Variants in MACROD2 observed in about 807,000 individuals in gnomAD.
MACROD2 encodes the protein mono-ADP ribosylhydrolase 2, also known as ADP-ribose glycohydrolase MACROD2.
Under a neutral mutation model 70.4 loss-of-function variants are expected in MACROD2, and 36 were observed. The observed-to-expected ratio is 0.51, with a 90% confidence interval of 0.39 to 0.68. The LOEUF (loss-of-function observed/expected upper bound fraction) is 0.68. Among genes scored for constraint, MACROD2 ranks in the 30% least tolerant of loss-of-function variants. MACROD2 has a pLI of 0.00. For missense variants in MACROD2, 496 were observed against 538.4 expected (o/e 0.92, Z 0.78); for synonymous variants, 172 against 178.8 (o/e 0.96, Z 0.30).
At chr20:14,498,785 C>T (rs1037442782) in intron 4 of MACROD2, among the ~76,000 whole-genome samples, 12 of 152,274 alleles carry the variant, frequency 7.9e-5, no homozygotes, top group African/African-American at 2.9e-4. Flanking sequence ...TAAATTTTGT[C>T]TTAAGCATTC....
At chr20:15,311,129 A>G (rs2077747725) in intron 6 of MACROD2, among the ~76,000 whole-genome samples, 1 of 152,192 alleles carries the variant, frequency 6.6e-6, no homozygotes, top group Admixed American at 6.5e-5. Context: ...AATAAAATCT[A>G]TATTTTAAAT....
chr20:14,955,211 A>G (rs1465422529), intron 5 of MACROD2, among the ~76,000 whole-genome samples: 11 of 132,436 alleles, frequency 8.3e-5, no homozygotes, highest in Admixed American at 1.7e-4. Flanking sequence ...CATTTACATA[A>G]TATAATTTAT....
At chr20:15,562,388 C>T (rs1183147649) in intron 8 of MACROD2, among the ~76,000 whole-genome samples, 1 of 152,158 alleles carries the variant, frequency 6.6e-6, no homozygotes, top group Non-Finnish European at 1.5e-5. Flanking sequence ...TTTTCCACCA[C>T]ATTTCTTGCC....
At chr20:14,166,329 A>ATGTG (rs146972968) in intron 3 of MACROD2, among the ~76,000 whole-genome samples, 3 of 150,350 alleles carry the variant, frequency 2.0e-5, no homozygotes, top group Non-Finnish European at 4.5e-5. Flanking sequence ...CCGTGTGTGT[A>ATGTG]TGTGTGTGTG....
At chr20:14,041,014 A>T (rs1385906818) in intron 2 of MACROD2, among the ~76,000 whole-genome samples, 2 of 152,196 alleles carry the variant, frequency 1.3e-5, no homozygotes, top group African/African-American at 4.8e-5. Context: ...GAAGAAGAAA[A>T]ATAGTTGGTA....
At chr20:15,128,766 A>G (rs551558375) in intron 5 of MACROD2, among the ~76,000 whole-genome samples, 42 of 151,986 alleles carry the variant, frequency 2.8e-4, no homozygotes, top group Admixed American at 5.3e-4. Context: ...ATTCACCCAC[A>G]CACTCTTTTT....
At chr20:14,466,947 CG>C (rs1240265423) in intron 3 of MACROD2, among the ~76,000 whole-genome samples, 1 of 152,078 alleles carries the variant, frequency 6.6e-6, no homozygotes, top group Non-Finnish European at 1.5e-5. Context: ...CGCCCCTACT[CG>C]GGGGTGCCTC....
chr20:14,610,517 T>G (rs1983090726), intron 4 of MACROD2, among the ~76,000 whole-genome samples: 1 of 152,144 alleles, frequency 6.6e-6, no homozygotes, highest in African/African-American at 2.4e-5. Flanking sequence ...GCAATAATGT[T>G]GGGATAAATT....
At chr20:14,664,774 A>T (rs1383550244) in intron 4 of MACROD2, among the ~76,000 whole-genome samples, 6 of 152,138 alleles carry the variant, frequency 3.9e-5, no homozygotes, top group Non-Finnish European at 7.4e-5. Context: ...ACTAATCTTC[A>T]AAACCATCCT....
At chr20:14,034,467 A>G (rs2053284166) in intron 2 of MACROD2, among the ~76,000 whole-genome samples, 1 of 152,244 alleles carries the variant, frequency 6.6e-6, no homozygotes, top group Non-Finnish European at 1.5e-5. Flanking sequence ...ATTTCCAGCC[A>G]TGGAATTGCT....
chr20:15,600,542 T>C (rs7264694), intron 8 of MACROD2, among the ~76,000 whole-genome samples: 25,367 of 152,198 alleles, frequency 0.17, 2,200 homozygotes, highest in South Asian at 0.21. Context: ...AAGTGGCAAG[T>C]GACTTTCCAG....
At chr20:15,795,003 A>G (rs922772457) in intron 8 of MACROD2, among the ~76,000 whole-genome samples, 2 of 151,854 alleles carry the variant, frequency 1.3e-5, no homozygotes, top group African/African-American at 4.8e-5. Context: ...ATTTAATTTA[A>G]CAAGCATTTG....
At chr20:14,918,885 C>T (rs1049356153) in intron 5 of MACROD2, among the ~76,000 whole-genome samples, 1 of 152,038 alleles carries the variant, frequency 6.6e-6, no homozygotes, top group African/African-American at 2.4e-5. Context: ...GTATGTATGT[C>T]TTCATTTAAA....
In MACROD2 at chr20:15,308,157, T is replaced by C. The variant is rs186844960; in HGVS notation, c.540+78096T>C. On this transcript the variant is annotated intron_variant, in intron 6 of 17. Transcript: ENST00000684519. ...TAAAGCTATTATTATCTTTTTGTAA[T>C]TAATTTATATCTTTGCAGACATACT... is the stretch of plus-strand genomic sequence containing the variant. 4.5e-4 allele frequency among the ~76,000 whole-genome samples: 68 copies of C among 152,314 alleles called. 1 individual carries two copies. Among genetic ancestry groups the C allele is most frequent in the Non-Finnish European group, 3.5e-4 (24 of 68,018 alleles).
chr20:14,051,774 T>C, intron 2 of MACROD2: 3 of 453,146 alleles, frequency 6.6e-6, no homozygotes, highest in South Asian at 4.7e-5. Context: ...AGTATCAGAA[T>C]AGTAACATGT....
At chr20:15,786,021 T>C (rs987035562) in intron 8 of MACROD2, among the ~76,000 whole-genome samples, 3 of 152,112 alleles carry the variant, frequency 2.0e-5, no homozygotes, top group African/African-American at 7.2e-5. Context: ...GATCGAAGAA[T>C]AGATACAAGG....
intron 8 of MACROD2, among the ~76,000 whole-genome samples, chr20:15,743,268 T>G (rs1341902244): frequency 1.3e-5 from 2 of 152,170 alleles, no homozygotes; most frequent in Non-Finnish European, 2.9e-5. Flanking sequence ...TACCCATGTG[T>G]ACCCCAATTA....
intron 6 of MACROD2, among the ~76,000 whole-genome samples, chr20:15,351,780 A>G (rs963436651): frequency 6.6e-6 from 1 of 152,208 alleles, no homozygotes; most frequent in Non-Finnish European, 1.5e-5. Context: ...TTTAGCACAA[A>G]TGAAAACCAA....
rs554466414 is a variant in MACROD2 at position 14,443,552 on chromosome 20, C to T, written c.272-49927C>T. On this transcript the variant is annotated intron_variant, in intron 3 of 17. Coordinates refer to ENST00000684519, the MANE Select transcript of MACROD2 (RefSeq NM_001351661.2). ...CCTCAGGTGATCTGCCCGCCTCGGCCTCCCAAAGTGCTGGGATTACAGGCA... is the reference window on the plus strand; with the variant it reads ...CCTCAGGTGATCTGCCCGCCTCGGCTTCCCAAAGTGCTGGGATTACAGGCA... 1.3e-4 allele frequency among the ~76,000 whole-genome samples: 20 copies of T among 152,202 alleles called. No individual in the cohort carries two copies. The South Asian group carries it at 3.7e-3, about 28-fold the overall frequency.
Sources: gnomAD v4.1 joint callset for allele counts (sites outside exome capture counted in the v4.1 genomes callset) on GRCh38, gnomAD v4.1.1 for gene constraint, MANE v1.5 for transcripts, NCBI Gene and HGNC (gene_info 2026-07-23, HGNC 2026-07-21) for gene names.